CTCF: variants seen among roughly 807,000 people sequenced by gnomAD.
CTCF encodes the protein transcriptional repressor CTCF.
In CTCF, 7 loss-of-function variants were observed where a neutral mutation model predicts 72.3. That is an observed-to-expected ratio of 0.10 (90% CI 0.06 to 0.18). The LOEUF (loss-of-function observed/expected upper bound fraction) is 0.18, where lower values mean the gene tolerates loss of function less well. Ranked by LOEUF, CTCF falls within the 10% of genes least tolerant of loss-of-function variation. The pLI, the probability that CTCF is intolerant of heterozygous loss-of-function variation, is 1.00. For synonymous variants in CTCF, 374 were observed against 315.8 expected (o/e 1.18, Z -1.95); for missense variants, 516 against 949.1 (o/e 0.54, Z 6.00).
intron 7 of CTCF, among the ~76,000 whole-genome samples, chr16:67,624,107 GTGTGTGTGTA>G (rs1255050314): frequency 1.7e-4 from 24 of 138,704 alleles, no homozygotes; most frequent in African/African-American, 2.9e-4. Flanking sequence ...GTGTGTGTGT[GTGTGTGTGTA>G]TGTGTGTGTA....
At chr16:67,616,296 G>A (rs984982932) in intron 4 of CTCF, 2 of 157,546 alleles carry the variant, frequency 1.3e-5, no homozygotes, top group African/African-American at 4.8e-5. Flanking sequence ...CAGCCCAATG[G>A]CCCTATATTT....
rs528752051 is a variant in CTCF, at chr16:67,628,798, C to T, written c.1701+246C>T. On this transcript the variant is annotated intron_variant, in intron 9 of 11. Coordinates refer to ENST00000264010, the MANE Select transcript of CTCF (RefSeq NM_006565.4). ...TTTCCTGGCCAGGCGCGGTGGCTCGCGCCTGTAATCCCAGCACTTTGGGAG... is the reference window on the plus strand; with the variant it reads ...TTTCCTGGCCAGGCGCGGTGGCTCGTGCCTGTAATCCCAGCACTTTGGGAG... Among the ~76,000 whole-genome samples, 16 of 152,312 alleles carry T rather than the reference C, an allele frequency of 1.1e-4. No homozygotes were observed. In the South Asian group the frequency reaches 3.1e-3, roughly 30 times the overall value.
chr16:67,618,737 A>T (rs1286750256), intron 5 of CTCF, among the ~76,000 whole-genome samples: 1 of 152,240 alleles, frequency 6.6e-6, no homozygotes, highest in Non-Finnish European at 1.5e-5. Flanking sequence ...AGTGATAGGA[A>T]GGTATGAAAT....
At chr16:67,593,265 G>A (rs1359502484) in intron 2 of CTCF, among the ~76,000 whole-genome samples, 6 of 151,908 alleles carry the variant, frequency 3.9e-5, no homozygotes, top group African/African-American at 1.2e-4. Flanking sequence ...GTGATTATGA[G>A]GTTTGGGGGT....
At chr16:67,577,858 G>C (rs983010065) in intron 2 of CTCF, among the ~76,000 whole-genome samples, 2 of 152,094 alleles carry the variant, frequency 1.3e-5, no homozygotes, top group Non-Finnish European at 2.9e-5. Flanking sequence ...CTGTTAGAGG[G>C]GATTGAGGTT....
chr16:67,621,625 T>C, intron 7 of CTCF, 34 bp downstream of exon 7: 1 of 1,511,716 alleles, frequency 6.6e-7, no homozygotes, highest in East Asian at 2.3e-5. Flanking sequence ...GTGAAAAAAA[T>C]ATTTTGAAGG....
intron 7 of CTCF, among the ~76,000 whole-genome samples, chr16:67,624,115 G>A (rs1188772290): frequency 0.044 from 5,619 of 128,212 alleles, 125 homozygotes; most frequent in African/African-American, 0.052. Context: ...GTGTGTGTGT[G>A]TATGTGTGTG....
chr16:67,589,513 A>G (rs1030279432), intron 2 of CTCF, among the ~76,000 whole-genome samples: 1 of 152,034 alleles, frequency 6.6e-6, no homozygotes, highest in Non-Finnish European at 1.5e-5. Flanking sequence ...CCCTTCACCC[A>G]CTGAAGTCAT....
chr16:67,612,171 C>G, intron 4 of CTCF, 50 bp downstream of exon 4: 1 of 1,542,636 alleles, frequency 6.5e-7, no homozygotes, highest in Non-Finnish European at 8.8e-7. Context: ...TCAGACTTCG[C>G]TTTTTAGTAT....
Position 67,638,485 on chromosome 16 carries a change from G to C in CTCF, c.*613G>C, listed in dbSNP as rs530030246. The C allele has an allele frequency of 4.4e-6, 1 of 225,154 alleles. No homozygotes were observed. Among genetic ancestry groups the C allele is most frequent in the East Asian group, 6.4e-5 (1 of 15,538 alleles). 13.9% of individuals were successfully genotyped at this position (225,154 alleles called of 1,614,324 possible). A position where few individuals can be genotyped will look rare whatever the true frequency, so the allele number is the denominator to read the frequency against. On this transcript the variant is annotated 3_prime_UTR_variant, in exon 12 of 12. Transcript: ENST00000264010. ...AATTAAGAGGTTGAAAAGAAGTGCA[G>C]TGTAAGAAAACCCAGCATTTTAATT...
intron 1 of CTCF, among the ~76,000 whole-genome samples, chr16:67,569,489 T>TTTTC (rs1001564090): frequency 2.3e-4 from 35 of 152,144 alleles, no homozygotes; most frequent in Middle Eastern, 3.4e-3. Flanking sequence ...TGGCCTGGGA[T>TTTTC]TTTCTTTCTT....
chr16:67,564,449 C>T (rs1355552931), intron 1 of CTCF, among the ~76,000 whole-genome samples: 1 of 152,198 alleles, frequency 6.6e-6, no homozygotes, highest in East Asian at 1.9e-4. Flanking sequence ...CAGTCCTCTT[C>T]GTAGGCACGC....
Position 67,639,017 on chromosome 16 carries a change from C to T in CTCF, c.*1145C>T. ...AGAGAGCCATCAGTTAGCTATCAGA[C>T]TCTAGGTTGATGCATTTTGTACTTA... is the stretch of plus-strand genomic sequence containing the variant. On this transcript the variant is annotated 3_prime_UTR_variant, in exon 12 of 12. Transcript: ENST00000264010. The T allele has an allele frequency of 4.9e-6, 1 of 203,350 alleles. No individual in the cohort carries two copies. The allele number at this position is 203,350 out of a possible 1,614,324, so 12.6% of individuals were successfully genotyped here.
At position 67,601,431 on chromosome 16, in the gene CTCF, C is replaced by T. The variant is rs542975700; in HGVS notation, c.-9-9393C>T. Among the ~76,000 whole-genome samples, 8 of 151,548 alleles carry T rather than the reference C, an allele frequency of 5.3e-5. No individual in the cohort carries two copies. In the South Asian group the frequency reaches 8.4e-4, roughly 16 times the overall value. On this transcript the variant is annotated intron_variant, in intron 2 of 11. Coordinates refer to ENST00000264010, the MANE Select transcript of CTCF (RefSeq NM_006565.4). Reference sequence around the variant, plus strand: ...TCGGCTCACTGCAAGCTCCACCTCTCGGGTTCATGCCATTCTCCCACCTCA... The same window carrying T: ...TCGGCTCACTGCAAGCTCCACCTCTTGGGTTCATGCCATTCTCCCACCTCA...
intron 10 of CTCF, among the ~76,000 whole-genome samples, chr16:67,634,769 T>A (rs2052408400): frequency 6.6e-6 from 1 of 151,512 alleles, no homozygotes; most frequent in Non-Finnish European, 1.5e-5. Context: ...AATGGCGTGA[T>A]CTCAGCTCAC....
chr16:67,581,578 G>T (rs1475076072), intron 2 of CTCF, among the ~76,000 whole-genome samples: 1 of 151,764 alleles, frequency 6.6e-6, no homozygotes, highest in South Asian at 2.1e-4. Flanking sequence ...ATCTTGGCTC[G>T]CTACAACCTC....
chr16:67,601,582 A>T (rs895343621), intron 2 of CTCF, among the ~76,000 whole-genome samples: 15 of 151,604 alleles, frequency 9.9e-5, no homozygotes, highest in African/African-American at 3.6e-4. Context: ...GACCTCGGGG[A>T]TGCTCTGAGA....
At chr16:67,577,874 G>GTTCTT (rs2051521410) in intron 2 of CTCF, among the ~76,000 whole-genome samples, 1 of 152,146 alleles carries the variant, frequency 6.6e-6, no homozygotes, top group South Asian at 2.1e-4. Context: ...AGGTTGCAGA[G>GTTCTT]GCAGTTCTTG....
intron 5 of CTCF, among the ~76,000 whole-genome samples, chr16:67,618,275 G>A (rs1195497663): frequency 1.3e-5 from 2 of 152,104 alleles, no homozygotes; most frequent in Non-Finnish European, 2.9e-5. Context: ...GGCAGCATGC[G>A]CCTGTAGTCT....
Sources: gnomAD v4.1 joint callset for allele counts (sites outside exome capture counted in the v4.1 genomes callset) on GRCh38, gnomAD v4.1.1 for gene constraint, MANE v1.5 for transcripts, NCBI Gene and HGNC (gene_info 2026-07-23, HGNC 2026-07-21) for gene names.